Variants in ADGRV1 observed in about 807,000 individuals in gnomAD.
ADGRV1 encodes G-protein coupled receptor 98.
ADGRV1 carries 359 observed loss-of-function variants against 596.2 expected under a neutral mutation model. The observed-to-expected ratio is 0.60, with a 90% confidence interval of 0.55 to 0.66. ADGRV1 has a LOEUF of 0.66. Among genes scored for constraint, ADGRV1 ranks in the 30% least tolerant of loss-of-function variants. ADGRV1 has a pLI of 0.00. For synonymous variants in ADGRV1, 2,681 were observed against 2,679.2 expected (o/e 1.00, Z -0.02); for missense variants, 7,274 against 7,575.6 (o/e 0.96, Z 1.48).
chr5:90,778,561 C>A lies in ADGRV1; in HGVS notation c.12801C>A (p.Gly4267=). The change falls in exon 63 of 90, where the codon GGC becomes GGA. Residue 4267 remains glycine, a synonymous_variant. Coordinates refer to ENST00000405460, the MANE Select transcript of ADGRV1 (RefSeq NM_032119.4). ...ITVVASDSPY[G]RFAFSHEQLR... ...TGGTGGCCAGCGACTCTCCCTATGG[C>A]CGATTTGCCTTTTCACATGAGCAAC... The A allele has an allele frequency of 6.2e-7, 1 of 1,609,664 alleles. No homozygotes were observed. Among genetic ancestry groups the A allele is most frequent in the Non-Finnish European group, 8.5e-7 (1 of 1,177,528 alleles).
intron 73 of ADGRV1, among the ~76,000 whole-genome samples, chr5:90,808,796 T>G (rs986466230): frequency 1.3e-5 from 2 of 151,942 alleles, no homozygotes; most frequent in Admixed American, 1.3e-4. Context: ...CTTGGGAGGC[T>G]GAGGCAGGAG....
chr5:90,678,602 G>C (rs1744548452), intron 25 of ADGRV1, among the ~76,000 whole-genome samples: 1 of 146,250 alleles, frequency 6.8e-6, no homozygotes, highest in African/African-American at 2.6e-5. Context: ...AAGACTGGGG[G>C]ACTGCATCTT....
intron 34 of ADGRV1, among the ~76,000 whole-genome samples, chr5:90,702,403 C>G (rs1435970938): frequency 6.6e-6 from 1 of 151,592 alleles, no homozygotes; most frequent in Admixed American, 6.6e-5. Context: ...TTTTAAGAAG[C>G]CTTTCTAATG....
intron 28 of ADGRV1, among the ~76,000 whole-genome samples, chr5:90,684,682 T>C (rs1039642301): frequency 6.6e-6 from 1 of 152,146 alleles, no homozygotes; most frequent in African/African-American, 2.4e-5. Flanking sequence ...AGGCCTCTTT[T>C]ACATGGGGAC....
chr5:90,651,672 AT>A lies in ADGRV1; in HGVS notation c.3364del (p.Ser1122LeufsTer5). On this transcript the variant is annotated frameshift_variant, in exon 18 of 90. Transcript: ENST00000405460. LOFTEE classifies it high-confidence loss of function. ...TGAAGCTAATGATGACCCAAATGGC[AT>A]TTTTTCTCTGGAGCCCATAGACAAA... is the stretch of plus-strand genomic sequence containing the variant. ...IIEANDDPNGIFSLEPIDKAV... is the reference protein window; with the variant it reads ...IIEANDDPNGXFSLEPIDKAV... The A allele has an allele frequency of 6.2e-7, 1 of 1,612,756 alleles. No individual in the cohort carries two copies. The highest frequency in any genetic ancestry group is 1.7e-5 in the Admixed American group (1 of 59,964).
At chr5:90,815,874 GT>G in intron 75 of ADGRV1, 138 bp downstream of exon 75, 1 of 604,424 alleles carries the variant, frequency 1.7e-6, no homozygotes, top group African/African-American at 1.8e-5. Flanking sequence ...AGATGCTCTA[GT>G]TCTTAATTTG....
chr5:90,781,208 T>C, intron 64 of ADGRV1: 1 of 533,966 alleles, frequency 1.9e-6, no homozygotes, highest in Non-Finnish European at 3.4e-6. Flanking sequence ...TAGTTTTGGC[T>C]TCGTACAGGC....
At chr5:90,791,441 G>A (rs1467088369) in intron 70 of ADGRV1, 95 bp downstream of exon 70, 1 of 919,032 alleles carries the variant, frequency 1.1e-6, no homozygotes, top group African/African-American at 1.7e-5. Context: ...TCTTATTCAG[G>A]TATTTAAATG....
intron 1 of ADGRV1, among the ~76,000 whole-genome samples, chr5:90,578,538 A>G (rs1227895064): frequency 3.3e-5 from 5 of 151,088 alleles, no homozygotes; most frequent in Non-Finnish European, 5.9e-5. Flanking sequence ...GGATTTTTGC[A>G]TCGATGTTCA....
rs557576988 is a variant in ADGRV1, at chr5:90,609,568, G to T, written c.23-5267G>T. Reference sequence around the variant, plus strand: ...AATACAAATAAGACAGATTAAGAATGCTTAGAAGCTGAATAATTGATGATA... The same window carrying T: ...AATACAAATAAGACAGATTAAGAATTCTTAGAAGCTGAATAATTGATGATA... On this transcript the variant is annotated intron_variant, in intron 1 of 89. Coordinates refer to ENST00000405460, the MANE Select transcript of ADGRV1 (RefSeq NM_032119.4). Among the ~76,000 whole-genome samples, 565 of 151,900 alleles carry T rather than the reference G, an allele frequency of 3.7e-3. 3 individuals are homozygous for T. The highest frequency in any genetic ancestry group is 0.012 in the African/African-American group (511 of 41,486).
chr5:90,686,030 AG>A (rs775733931), intron 29 of ADGRV1, 35 bp downstream of exon 29: 1 of 1,364,744 alleles, frequency 7.3e-7, no homozygotes, highest in Non-Finnish European at 1.0e-6. Flanking sequence ...GTACATACAG[AG>A]GGATGTAAGC....
intron 87 of ADGRV1, among the ~76,000 whole-genome samples, chr5:91,149,350 G>A (rs189946856): frequency 6.6e-6 from 1 of 152,288 alleles, no homozygotes; most frequent in Admixed American, 6.5e-5. Flanking sequence ...TCTCTGTGCT[G>A]TTCTCATGAT....
At chr5:90,572,143 G>T (rs1466489004) in intron 1 of ADGRV1, among the ~76,000 whole-genome samples, 1 of 152,054 alleles carries the variant, frequency 6.6e-6, no homozygotes, top group Non-Finnish European at 1.5e-5. Context: ...ATAGTCTTTT[G>T]AAGACTATTC....
At chr5:90,889,352 G>A (rs1047192054) in intron 83 of ADGRV1, among the ~76,000 whole-genome samples, 2 of 152,084 alleles carry the variant, frequency 1.3e-5, no homozygotes, top group Non-Finnish European at 2.9e-5. Flanking sequence ...TGGTTTAGTT[G>A]AATTAACATC....
At chr5:90,848,879 A>G (rs1298276641) in intron 79 of ADGRV1, 58 bp downstream of exon 79, 4 of 1,225,344 alleles carry the variant, frequency 3.3e-6, no homozygotes, top group Admixed American at 2.5e-5. Context: ...ACTGTTTACA[A>G]AGCAATATGT....
chr5:90,849,139 G>A (rs1269454543), intron 79 of ADGRV1, among the ~76,000 whole-genome samples: 1 of 152,062 alleles, frequency 6.6e-6, no homozygotes, highest in Non-Finnish European at 1.5e-5. Flanking sequence ...AGAGATTACA[G>A]CCTTTAGGAG....
chr5:90,831,529 C>A (rs1485500015), intron 77 of ADGRV1, among the ~76,000 whole-genome samples: 2 of 151,986 alleles, frequency 1.3e-5, no homozygotes, highest in African/African-American at 4.8e-5. Flanking sequence ...ATGGGGTATC[C>A]ACCACCTCAA....
intron 69 of ADGRV1, 43 bp from the exon 70 acceptor site, chr5:90,790,830 A>G (rs1180282080): frequency 7.6e-7 from 1 of 1,312,052 alleles, no homozygotes; most frequent in Non-Finnish European, 1.1e-6. Flanking sequence ...GGTGCAATAT[A>G]CTGAATTATA....
chr5:91,054,114 A>T (rs1229338186), intron 85 of ADGRV1, among the ~76,000 whole-genome samples: 9 of 151,194 alleles, frequency 6.0e-5, no homozygotes, highest in South Asian at 4.2e-4. Context: ...AGAGAGAGAG[A>T]GAGAGAGAGA....
Sources: gnomAD v4.1 joint callset for allele counts (sites outside exome capture counted in the v4.1 genomes callset) on GRCh38, gnomAD v4.1.1 for gene constraint, MANE v1.5 for transcripts, NCBI Gene and HGNC (gene_info 2026-07-23, HGNC 2026-07-21) for gene names.